The following TMEM132B variants were observed in gnomAD, a reference collection of about 807,000 sequenced individuals.
TMEM132B encodes transmembrane protein 132B.
Under a neutral mutation model 90.8 loss-of-function variants are expected in TMEM132B, and 18 were observed. The observed-to-expected ratio is 0.20, with a 90% CI of 0.14 to 0.29. The LOEUF (loss-of-function observed/expected upper bound fraction) is 0.29, where lower values mean the gene tolerates loss of function less well. TMEM132B is among the 10% of genes least tolerant of loss of function. TMEM132B has a pLI of 1.00. For synonymous variants in TMEM132B, 504 were observed against 523.3 expected, an observed-to-expected ratio of 0.96 and a Z score of 0.50; for missense variants, 1,096 against 1,326.8, an observed-to-expected ratio of 0.83 and a Z score of 2.70.
intron 5 of TMEM132B, among the ~76,000 whole-genome samples, chr12:125,597,080 G>A (rs746952881): frequency 1.3e-5 from 2 of 152,166 alleles, no homozygotes; most frequent in African/African-American, 4.8e-5. Flanking sequence ...CAGGTACATG[G>A]AGTGAAAGAA....
At chr12:125,284,448 G>C (rs1002656583) in intron 1 of TMEM132B, among the ~76,000 whole-genome samples, 1 of 152,174 alleles carries the variant, frequency 6.6e-6, no homozygotes, top group African/African-American at 2.4e-5. Flanking sequence ...CCCCGCTGCC[G>C]TGGAGCAGGG....
intron 2 of TMEM132B, among the ~76,000 whole-genome samples, chr12:125,411,152 TGGA>T (rs1180344867): frequency 1.6e-4 from 4 of 24,522 alleles, no homozygotes; most frequent in Admixed American, 7.9e-4. Flanking sequence ...GTGAGTGGAG[TGGA>T]GGAGTGGAGT....
chr12:125,452,493 A>C (rs1467900119), intron 3 of TMEM132B, among the ~76,000 whole-genome samples: 1 of 152,208 alleles, frequency 6.6e-6, no homozygotes, highest in African/African-American at 2.4e-5. Context: ...TTTTCTAGCT[A>C]TCAGGAAATG....
chr12:125,299,284 C>A (rs1309593662), intron 1 of TMEM132B, among the ~76,000 whole-genome samples: 1 of 152,198 alleles, frequency 6.6e-6, no homozygotes, highest in Non-Finnish European at 1.5e-5. Flanking sequence ...TCCTTTCTCC[C>A]TCCCTCCTGG....
chr12:125,590,516 A>T (rs1347993737), intron 5 of TMEM132B, among the ~76,000 whole-genome samples: 2 of 152,224 alleles, frequency 1.3e-5, no homozygotes, highest in Admixed American at 1.3e-4. Context: ...AAAAAGGTAG[A>T]AGGTTCCCTG....
rs934162549 is a variant in TMEM132B, at chr12:125,284,718, T to C, written c.68-64734T>C. 3.0e-4 allele frequency among the ~76,000 whole-genome samples: 46 copies of C among 152,238 alleles called. 1 individual carries two copies. The highest frequency in any genetic ancestry group is 2.9e-5 in the Non-Finnish European group (2 of 68,044). On this transcript the variant is annotated intron_variant, in intron 1 of 8. Transcript: ENST00000682704. ...TATAAACGATGCTGCAGTGTTCTTG[T>C]ATACATTTCCTTTTGCACTTGTGAG...
intron 1 of TMEM132B, among the ~76,000 whole-genome samples, chr12:125,232,081 A>T (rs901423253): frequency 1.3e-5 from 2 of 152,176 alleles, no homozygotes; most frequent in Admixed American, 1.3e-4. Context: ...ACACTTACGC[A>T]TATATAGATC....
intron 5 of TMEM132B, among the ~76,000 whole-genome samples, chr12:125,590,637 C>CTTTGGG (rs2136891913): frequency 6.6e-6 from 1 of 152,226 alleles, no homozygotes; most frequent in South Asian, 2.1e-4. Flanking sequence ...TTGTGGAGGG[C>CTTTGGG]AATATATAAA....
rs182656589 is a variant in TMEM132B, at chr12:125,251,812, T to A, written c.67+64946T>A. ...ATTCGTTTGGATTTTCATGTGAAAT[T>A]TCCCAAGTTTATAACGTTAATAATC... On this transcript the variant is annotated intron_variant, in intron 1 of 8. Transcript: ENST00000682704. This position sits in a 1 kb window ranked among gnomAD's most constrained non-coding sequence, Gnocchi z 4.4. Among the ~76,000 whole-genome samples the A allele has an allele frequency of 1.4e-4, 22 of 152,344 alleles. No individual in the cohort carries two copies. Among genetic ancestry groups the A allele is most frequent in the Non-Finnish European group, 2.8e-4 (19 of 68,036 alleles).
intron 3 of TMEM132B, among the ~76,000 whole-genome samples, chr12:125,448,704 A>T (rs1881068912): frequency 6.6e-6 from 1 of 152,186 alleles, no homozygotes; most frequent in South Asian, 2.1e-4. Context: ...GGGAATTCTG[A>T]GTCATATGGT....
At chr12:125,618,450 G>A (rs565208876) in intron 5 of TMEM132B, among the ~76,000 whole-genome samples, 11 of 152,304 alleles carry the variant, frequency 7.2e-5, no homozygotes, top group South Asian at 2.1e-4. Flanking sequence ...TACACCTGGC[G>A]TATGGGGGTG....
intron 1 of TMEM132B, among the ~76,000 whole-genome samples, chr12:125,247,370 G>T: frequency 6.6e-6 from 1 of 152,190 alleles, no homozygotes; most frequent in Non-Finnish European, 1.5e-5. Flanking sequence ...ATAGGAGACA[G>T]GTTCTGGGGG....
intron 4 of TMEM132B, among the ~76,000 whole-genome samples, chr12:125,526,545 G>A (rs887878248): frequency 6.6e-6 from 1 of 152,224 alleles, no homozygotes; most frequent in Non-Finnish European, 1.5e-5. Context: ...CCCACGCAGT[G>A]CCCCTGGTGC....
chr12:125,544,778 A>G (rs1445656561), intron 4 of TMEM132B, among the ~76,000 whole-genome samples: 3 of 152,298 alleles, frequency 2.0e-5, no homozygotes, highest in East Asian at 1.9e-4. Context: ...AGCAGTGGGT[A>G]TAGGGTGTGG....
At chr12:125,569,129 G>A (rs1884731482) in intron 4 of TMEM132B, among the ~76,000 whole-genome samples, 1 of 152,040 alleles carries the variant, frequency 6.6e-6, no homozygotes. Flanking sequence ...TATCTGGGCT[G>A]CTCTGCTCAT....
Position 125,655,649 on chromosome 12 carries a change from C to A in TMEM132B, c.*939C>A, listed in dbSNP as rs1305210569. On this transcript the variant is annotated 3_prime_UTR_variant, in exon 9 of 9. Transcript: ENST00000682704. Reference sequence around the variant, plus strand: ...ATTTCTGAGGGTAAAAAGGCCCCAACATAGCTGTATTTATACAAGTGCTTT... The same window carrying A: ...ATTTCTGAGGGTAAAAAGGCCCCAAAATAGCTGTATTTATACAAGTGCTTT... The A allele has an allele frequency of 6.6e-6, 1 of 152,222 alleles. No individual in the cohort carries two copies. The highest frequency in any genetic ancestry group is 2.4e-5 in the African/African-American group (1 of 41,464). The allele number at this position is 152,222 out of a possible 1,614,324, so 9.4% of individuals were successfully genotyped here. A position where few individuals can be genotyped will look rare whatever the true frequency, so the allele number is the denominator to read the frequency against.
chr12:125,525,597 G>A lies in TMEM132B; in HGVS notation c.1293+5972G>A, dbSNP rs183366247. Among the ~76,000 whole-genome samples the A allele has an allele frequency of 9.2e-4, 140 of 152,326 alleles. 1 individual carries two copies. Among genetic ancestry groups the A allele is most frequent in the African/African-American group, 3.2e-3 (135 of 41,566 alleles). On this transcript the variant is annotated intron_variant, in intron 4 of 8. Coordinates refer to ENST00000682704, the MANE Select transcript of TMEM132B (RefSeq NM_001366854.1). ...GGCCTTCCAGCATCCAGAACTGTGA[G>A]GAAGTAAATTTCTGTTCTTTATAAA...
At chr12:125,616,588 A>C (rs974598160) in intron 5 of TMEM132B, among the ~76,000 whole-genome samples, 1 of 152,208 alleles carries the variant, frequency 6.6e-6, no homozygotes, top group African/African-American at 2.4e-5. Context: ...TTTGCTCCAC[A>C]AAAGACAGCT....
chr12:125,404,712 A>G lies in TMEM132B; in HGVS notation c.960-10819A>G, dbSNP rs183228985. On this transcript the variant is annotated intron_variant, in intron 2 of 8. Coordinates refer to ENST00000682704, the MANE Select transcript of TMEM132B (RefSeq NM_001366854.1). ...AATGGTTATCCAAGGCCTCACAGCT[A>G]GTCCTTCTTGCAGCTGGAATTAAAT... is the stretch of plus-strand genomic sequence containing the variant. Among the ~76,000 whole-genome samples the G allele has an allele frequency of 1.4e-4, 22 of 152,334 alleles. No homozygotes were observed. In the East Asian group the frequency reaches 4.1e-3, roughly 28 times the overall value.
Sources: gnomAD v4.1 joint callset for allele counts (sites outside exome capture counted in the v4.1 genomes callset) on GRCh38, gnomAD v4.1.1 for gene constraint, Gnocchi (gnomAD v3.1) non-coding constraint, MANE v1.5 for transcripts, NCBI Gene and HGNC (gene_info 2026-07-23, HGNC 2026-07-21) for gene names.